Variants in DYRK1A observed in about 807,000 individuals in gnomAD.
DYRK1A encodes the protein dual specificity tyrosine phosphorylation regulated kinase 1A.
DYRK1A carries 9 observed loss-of-function variants against 79.7 expected under a neutral mutation model. That is an observed-to-expected ratio of 0.11 (90% confidence interval 0.07 to 0.20). The LOEUF (loss-of-function observed/expected upper bound fraction) is 0.20. Among genes scored for constraint, DYRK1A ranks in the 10% least tolerant of loss-of-function variants. The pLI, the probability that DYRK1A is intolerant of heterozygous loss-of-function variation, is 1.00. For missense variants in DYRK1A, 622 were observed against 956.0 expected, an observed-to-expected ratio of 0.65 and a Z score of 4.61; for synonymous variants, 349 against 329.7, an observed-to-expected ratio of 1.06 and a Z score of -0.63.
intron 4 of DYRK1A, among the ~76,000 whole-genome samples, chr21:37,479,237 T>C (rs888789193): frequency 1.3e-5 from 2 of 152,242 alleles, no homozygotes; most frequent in Non-Finnish European, 2.9e-5. Flanking sequence ...ATGAACTCTG[T>C]GAGGAACATT....
At position 37,516,407 on chromosome 21, in the gene DYRK1A, A is replaced by G. The variant is rs890468171; in HGVS notation, c.*3876A>G. On this transcript the variant is annotated 3_prime_UTR_variant, in exon 12 of 12. Transcript: ENST00000647188. The stretch of plus-strand genomic sequence containing the variant: ...GTAGAGGAGAAGTTCTGATTTTCAT[A>G]ACCCTGGTTTCTTATCTAGGCCTGT... 1.3e-5 allele frequency: 2 copies of G among 152,226 alleles called. No individual in the cohort carries two copies. Among genetic ancestry groups the G allele is most frequent in the Non-Finnish European group, 2.9e-5 (2 of 68,040 alleles). 9.4% of individuals were successfully genotyped at this position (152,226 alleles called of 1,614,324 possible).
rs143410783 is a variant in DYRK1A, at chr21:37,468,342, C to T, written c.11-4342C>T. ...CAGGCTGGTCTCAGACTCTCGGGCT[C>T]AAGTGATTCCCGCCTTGGCCTCCCA... is the stretch of plus-strand genomic sequence containing the variant. On this transcript the variant is annotated intron_variant, in intron 2 of 11. Coordinates refer to ENST00000647188, the MANE Select transcript of DYRK1A (RefSeq NM_001347721.2). Among the ~76,000 whole-genome samples, 1,420 of 151,998 alleles carry T rather than the reference C, an allele frequency of 9.3e-3. 14 individuals carry two copies. The highest frequency in any genetic ancestry group is 0.02 in the South Asian group (95 of 4,806).
At chr21:37,373,707 A>G (rs1256282569) in intron 1 of DYRK1A, among the ~76,000 whole-genome samples, 1 of 152,216 alleles carries the variant, frequency 6.6e-6, no homozygotes, top group African/African-American at 2.4e-5. Context: ...AGTTGCATAC[A>G]TGATTTTTCT....
At chr21:37,447,311 AATAAAT>A (rs1423490186) in intron 2 of DYRK1A, among the ~76,000 whole-genome samples, 1 of 152,176 alleles carries the variant, frequency 6.6e-6, no homozygotes, top group Non-Finnish European at 1.5e-5. Flanking sequence ...GTAACTTATA[AATAAAT>A]ATATTTTATG....
At chr21:37,501,007 G>A (rs929991085) in intron 9 of DYRK1A, among the ~76,000 whole-genome samples, 1 of 147,898 alleles carries the variant, frequency 6.8e-6, no homozygotes, top group Non-Finnish European at 1.5e-5. Flanking sequence ...CCATTTACTT[G>A]GGTTGAATTT....
chr21:37,366,636 G>A (rs924045795), upstream of DYRK1A, among the ~76,000 whole-genome samples: 2 of 151,774 alleles, frequency 1.3e-5, no homozygotes, highest in African/African-American at 4.8e-5. Context: ...GGGACAGAGG[G>A]GGAGACGGAA....
intron 3 of DYRK1A, among the ~76,000 whole-genome samples, chr21:37,476,857 G>T (rs2052416765): frequency 7.1e-6 from 1 of 139,890 alleles, no homozygotes; most frequent in African/African-American, 2.9e-5. Context: ...AAGAAGCACA[G>T]GACTTTGAGA....
chr21:37,499,778 C>A lies in DYRK1A; in HGVS notation c.1212+3520C>A, dbSNP rs532061336. Reference sequence around the variant, plus strand: ...ATTGATTTTGTATCCTAAGACCTTGCTAAATTCACCTATTCTAGTACAGTT... The same window carrying A: ...ATTGATTTTGTATCCTAAGACCTTGATAAATTCACCTATTCTAGTACAGTT... On this transcript the variant is annotated intron_variant, in intron 9 of 11. Coordinates refer to ENST00000647188, the MANE Select transcript of DYRK1A (RefSeq NM_001347721.2). Among the ~76,000 whole-genome samples the A allele has an allele frequency of 5.2e-4, 79 of 152,162 alleles. 2 individuals are homozygous for A. The highest frequency in any genetic ancestry group is 4.0e-4 in the Non-Finnish European group (27 of 68,040).
At chr21:37,491,804 G>T (rs1411571006) in intron 7 of DYRK1A, among the ~76,000 whole-genome samples, 1 of 152,160 alleles carries the variant, frequency 6.6e-6, no homozygotes, top group African/African-American at 2.4e-5. Flanking sequence ...GCCAAATTAT[G>T]TATTTTGTCC....
At position 37,520,317 on chromosome 21, in the gene DYRK1A, CTT is replaced by C. The variant is rs903174778; in HGVS notation, c.*7787_*7788del. On this transcript the variant is annotated 3_prime_UTR_variant, in exon 12 of 12. Transcript: ENST00000647188. ...GAGATGAGGGTGACAGAAATCAGCT[CTT>C]AAGTTTATAAATAAAACAGGGATAT... 7.2e-5 allele frequency: 11 copies of C among 152,260 alleles called. No individual in the cohort carries two copies. Among genetic ancestry groups the C allele is most frequent in the African/African-American group, 2.6e-4 (11 of 41,532 alleles). 9.4% of individuals were successfully genotyped at this position (152,260 alleles called of 1,614,324 possible).
At chr21:37,412,461 C>G (rs2050261918) in intron 1 of DYRK1A, among the ~76,000 whole-genome samples, 1 of 152,164 alleles carries the variant, frequency 6.6e-6, no homozygotes, top group Non-Finnish European at 1.5e-5. Context: ...AACACATATT[C>G]TTAGGTCCTT....
chr21:37,464,204 C>G (rs2051947451), intron 2 of DYRK1A: 1 of 439,344 alleles, frequency 2.3e-6, no homozygotes, highest in South Asian at 1.7e-5. Context: ...GTGTTTACCA[C>G]TATCTTTTTG....
chr21:37,438,725 G>A (rs531595589), intron 2 of DYRK1A, among the ~76,000 whole-genome samples: 2 of 152,214 alleles, frequency 1.3e-5, no homozygotes, highest in African/African-American at 4.8e-5. Flanking sequence ...ACCTTCTGTG[G>A]CCTTAATAAT....
At chr21:37,450,295 G>A (rs1448193427) in intron 2 of DYRK1A, among the ~76,000 whole-genome samples, 1 of 152,178 alleles carries the variant, frequency 6.6e-6, no homozygotes, top group Non-Finnish European at 1.5e-5. Flanking sequence ...GAACTGTGAA[G>A]AGTGTTCAGA....
At position 37,519,280 on chromosome 21, in the gene DYRK1A, C is replaced by A. The variant is rs777221334; in HGVS notation, c.*6749C>A. 6.6e-6 allele frequency: 1 copy of A among 152,196 alleles called. No individual in the cohort carries two copies. The highest frequency in any genetic ancestry group is 6.5e-5 in the Admixed American group (1 of 15,280). 9.4% of individuals were successfully genotyped at this position (152,196 alleles called of 1,614,324 possible). A position where few individuals can be genotyped will look rare whatever the true frequency, so the allele number is the denominator to read the frequency against. On this transcript the variant is annotated 3_prime_UTR_variant, in exon 12 of 12. Transcript: ENST00000647188. ...CAGCTCTGTATAGTAGTTACAGTTT[C>A]CCTCTCTAGAATCCCAAAGAGGTTC... is the stretch of plus-strand genomic sequence containing the variant.
chr21:37,480,651 A>G lies in DYRK1A; in HGVS notation c.314A>G (p.Lys105Arg), dbSNP rs1387144294. The change falls in exon 5 of 12, where the codon AAA becomes AGA. Residue 105 changes from lysine to arginine, a missense_variant. Lys to Arg is a conservative substitution (Grantham distance 26). Transcript: ENST00000647188. ...TTCTCATTTCAGGTTTACTATGCAA[A>G]AAAGAAGCGAAGACACCAACAGGGC... ...YKHINEVYYA[K>R]KKRRHQQGQG... 6.3e-7 allele frequency: 1 copy of G among 1,590,034 alleles called. No individual in the cohort carries two copies. The highest frequency in any genetic ancestry group is 8.5e-7 in the Non-Finnish European group (1 of 1,172,718).
chr21:37,501,877 C>A (rs2053461130), intron 9 of DYRK1A: 1 of 152,040 alleles, frequency 6.6e-6, no homozygotes, highest in Non-Finnish European at 1.5e-5. Context: ...TCTTAGACTC[C>A]CTTTGTAACA....
chr21:37,506,076 T>A (rs749609648), intron 10 of DYRK1A, 23 bp from the exon 11 acceptor site: 17 of 1,598,236 alleles, frequency 1.1e-5, no homozygotes, highest in Non-Finnish European at 1.5e-5. Context: ...ACAGTTGTAT[T>A]GTTTTGTGTT....
Position 37,501,153 on chromosome 21 carries a change from T to G in DYRK1A, c.1213-4130T>G, listed in dbSNP as rs542676818. On this transcript the variant is annotated intron_variant, in intron 9 of 11. Transcript: ENST00000647188. ...ATTCTGCAGCTTTTTATATGTTTTT[T>G]TTGTTGTTGTTGGTTTTTTTTTTTT... 3.3e-5 allele frequency among the ~76,000 whole-genome samples: 5 copies of G among 150,138 alleles called. No individual in the cohort carries two copies. In the East Asian group the frequency reaches 7.7e-4, roughly 23 times the overall value.
Sources: gnomAD v4.1 joint callset for allele counts (sites outside exome capture counted in the v4.1 genomes callset) on GRCh38, gnomAD v4.1.1 for gene constraint, MANE v1.5 for transcripts, NCBI Gene and HGNC (gene_info 2026-07-23, HGNC 2026-07-21) for gene names.